ZNF292: variants seen among roughly 807,000 people sequenced by gnomAD.
ZNF292 encodes 16 zinc-finger domain protein.
Under a neutral mutation model 217.9 loss-of-function variants are expected in ZNF292, and 26 were observed. That is an observed-to-expected ratio of 0.12 (90% CI 0.09 to 0.17). The LOEUF (loss-of-function observed/expected upper bound fraction) is 0.17. Among genes scored for constraint, ZNF292 ranks in the 10% least tolerant of loss-of-function variants. The probability of loss-of-function intolerance (pLI) is 1.00; values close to 1 mark genes in which losing one functional copy is unlikely to be tolerated. For missense variants in ZNF292, 2,904 were observed against 3,175.2 expected (o/e 0.91, Z 2.05); for synonymous variants, 1,257 against 1,124.1 (o/e 1.12, Z -2.37).
At chr6:87,160,373 G>C (rs1392813840) in intron 1 of ZNF292, among the ~76,000 whole-genome samples, 1 of 152,174 alleles carries the variant, frequency 6.6e-6, no homozygotes, top group African/African-American at 2.4e-5. Context: ...CCGACTGGTT[G>C]ATTGTAACTG....
chr6:87,209,165 T>C (rs1023877992), intron 1 of ZNF292, among the ~76,000 whole-genome samples: 1 of 151,162 alleles, frequency 6.6e-6, no homozygotes, highest in African/African-American at 2.4e-5. Context: ...CTTTGGTGAT[T>C]ATGCAGAGTT....
chr6:87,163,495 A>AT (rs1279100189), intron 1 of ZNF292, among the ~76,000 whole-genome samples: 1 of 152,062 alleles, frequency 6.6e-6, no homozygotes, highest in Non-Finnish European at 1.5e-5. Flanking sequence ...TTAGTTACAT[A>AT]TATCTTTTGA....
chr6:87,155,992 C>T (rs921553388), intron 1 of ZNF292, among the ~76,000 whole-genome samples: 16 of 152,250 alleles, frequency 1.1e-4, no homozygotes, highest in African/African-American at 3.9e-4. Flanking sequence ...GGAAAATCCC[C>T]CCTCCCCTTT....
In ZNF292 at chr6:87,245,559, T is replaced by C; in HGVS notation, c.935T>C (p.Val312Ala). 2 of 1,567,174 alleles carry C rather than the reference T, an allele frequency of 1.3e-6. No homozygotes were observed. The highest frequency in any genetic ancestry group is 1.7e-6 in the Non-Finnish European group (2 of 1,154,988). The part of the protein sequence containing the change: ...LQQRVEPSIQ[V>A]YLERCRQLSL... ...CAAAGAGTAGAACCATCTATACAAG[T>C]GTACCTTGAGAGGTGTCGTCAACTT... The change falls in exon 7 of 8, where the codon GTG becomes GCG. Residue 312 changes from valine to alanine, a missense_variant. Physicochemically the swap from Val to Ala is moderately conservative, Grantham distance 64 (BLOSUM62 0). Around this residue, in one of 15 missense-constraint regions of ZNF292, gnomAD observed 313 missense variants for 451.0 expected, o/e 0.69. Transcript: ENST00000369577.
intron 1 of ZNF292, among the ~76,000 whole-genome samples, chr6:87,214,172 A>G (rs1232774696): frequency 6.6e-6 from 1 of 152,160 alleles, no homozygotes; most frequent in Admixed American, 6.5e-5. Context: ...TCTTGGATAT[A>G]ATGTAGGCAG....
chr6:87,166,947 C>T (rs1187606716), intron 1 of ZNF292, among the ~76,000 whole-genome samples: 1 of 151,950 alleles, frequency 6.6e-6, no homozygotes, highest in Non-Finnish European at 1.5e-5. Flanking sequence ...TTTGATTTGC[C>T]CAAGGTCCCA....
At chr6:87,184,227 A>G (rs1771564692) in intron 1 of ZNF292, among the ~76,000 whole-genome samples, 2 of 152,260 alleles carry the variant, frequency 1.3e-5, no homozygotes, top group South Asian at 4.1e-4. Flanking sequence ...GAAGTAATAC[A>G]TGATTGAATA....
In ZNF292 at chr6:87,259,847, C is replaced by G. The variant is rs771953400; in HGVS notation, c.6218C>G (p.Thr2073Arg). ...TSEQCNTNAL[T>R]NTQTKGRKIR... The stretch of plus-strand genomic sequence containing the variant: ...GAACAATGTAATACAAATGCACTCA[C>G]AAACACACAAACCAAAGGACGGAAG... Residue 2073 changes from threonine (T) to arginine (R), a missense_variant, in exon 8 of 8, where the codon ACA (threonine) becomes AGA (arginine). By Grantham distance (71) the Thr-to-Arg change is moderately conservative (BLOSUM62 -1). Around this residue, in one of 15 missense-constraint regions of ZNF292, gnomAD observed 261 missense variants for 272.8 expected, o/e 0.96. Coordinates refer to ENST00000369577, the MANE Select transcript of ZNF292 (RefSeq NM_015021.3). 1.9e-6 allele frequency: 3 copies of G among 1,613,072 alleles called. No homozygotes were observed. Among genetic ancestry groups the G allele is most frequent in the East Asian group, 4.5e-5 (2 of 44,848 alleles).
At position 87,160,491 on chromosome 6, in the gene ZNF292, ATG is replaced by A. The variant is rs1260142601; in HGVS notation, c.168+4754_168+4755del. Among the ~76,000 whole-genome samples, 224 of 146,386 alleles carry A rather than the reference ATG, an allele frequency of 1.5e-3. 2 individuals are homozygous for A. The highest frequency in any genetic ancestry group is 0.014 in the Middle Eastern group (4 of 286). On this transcript the variant is annotated intron_variant, in intron 1 of 7. Transcript: ENST00000369577. Reference sequence around the variant, plus strand: ...CATACGTACATGTGTTTGTATATATATGTGTGTGTGTGTGTGTGTGTGTATAT... The same window carrying A: ...CATACGTACATGTGTTTGTATATATATGTGTGTGTGTGTGTGTGTGTATAT...
In ZNF292 at chr6:87,259,839, T is replaced by C. The variant is rs1466648093; in HGVS notation, c.6210T>C (p.Asn2070=). The change falls in exon 8 of 8, where the codon AAT becomes AAC. Residue 2070 remains asparagine (N), a synonymous_variant. Transcript: ENST00000369577. The stretch of plus-strand genomic sequence containing the variant: ...TTACTTCAGAACAATGTAATACAAA[T>C]GCACTCACAAACACACAAACCAAAG... The part of the protein sequence containing the change: ...ITVTSEQCNT[N]ALTNTQTKGR... 1 of 1,612,606 alleles carries C rather than the reference T, an allele frequency of 6.2e-7. No homozygotes were observed. The highest frequency in any genetic ancestry group is 1.3e-5 in the African/African-American group (1 of 74,768).
At chr6:87,166,367 A>C (rs190425118) in intron 1 of ZNF292, among the ~76,000 whole-genome samples, 1 of 152,208 alleles carries the variant, frequency 6.6e-6, no homozygotes, top group East Asian at 1.9e-4. Context: ...GAGCTCCCCC[A>C]CAATCTGGGA....
chr6:87,163,391 C>T (rs539300591), intron 1 of ZNF292, among the ~76,000 whole-genome samples: 78 of 151,816 alleles, frequency 5.1e-4, no homozygotes, highest in Admixed American at 1.1e-3. Context: ...GCAGAACTTG[C>T]AGTGAGCCAC....
rs559582309 is a variant in ZNF292, at chr6:87,164,451, A to G, written c.168+8692A>G. Among the ~76,000 whole-genome samples the G allele has an allele frequency of 5.3e-5, 8 of 152,302 alleles. No homozygotes were observed. The East Asian group carries it at 1.5e-3, about 29-fold the overall frequency. On this transcript the variant is annotated intron_variant, in intron 1 of 7. Coordinates refer to ENST00000369577, the MANE Select transcript of ZNF292 (RefSeq NM_015021.3). Reference sequence around the variant, plus strand: ...AACTCAGCCACCTTGTGGGAAGGGGATCACACATACTATGGGTACAGGGAG... The same window carrying G: ...AACTCAGCCACCTTGTGGGAAGGGGGTCACACATACTATGGGTACAGGGAG...
chr6:87,183,489 A>G (rs1771533555), intron 1 of ZNF292, among the ~76,000 whole-genome samples: 1 of 152,194 alleles, frequency 6.6e-6, no homozygotes, highest in South Asian at 2.1e-4. Flanking sequence ...CCATAATCCC[A>G]AATGTTGAAA....
At chr6:87,236,407 A>ATTT (rs1562162753) in intron 5 of ZNF292, among the ~76,000 whole-genome samples, 163 of 132,034 alleles carry the variant, frequency 1.2e-3, no homozygotes, top group African/African-American at 4.0e-3. Context: ...TTTTTTTTTA[A>ATTT]AAAAGAAAAG....
intron 1 of ZNF292, among the ~76,000 whole-genome samples, chr6:87,164,380 C>T (rs1327965075): frequency 6.6e-6 from 1 of 152,100 alleles, no homozygotes; most frequent in Non-Finnish European, 1.5e-5. Flanking sequence ...CTCCTGGTGT[C>T]ATATTTATAA....
intron 1 of ZNF292, among the ~76,000 whole-genome samples, chr6:87,195,379 G>GA (rs1179983851): frequency 6.6e-6 from 1 of 152,170 alleles, no homozygotes; most frequent in Non-Finnish European, 1.5e-5. Context: ...AATTCAATGG[G>GA]AAAAGTTTAA....
At chr6:87,193,715 T>C (rs1471486895) in intron 1 of ZNF292, among the ~76,000 whole-genome samples, 1 of 152,198 alleles carries the variant, frequency 6.6e-6, no homozygotes, top group African/African-American at 2.4e-5. Context: ...CTTTGTTTCA[T>C]GCACAAAGTT....
rs747686306 is a variant in ZNF292 at position 87,260,891 on chromosome 6, G to A, written c.7262G>A (p.Arg2421Gln). 16 of 1,610,080 alleles carry A rather than the reference G, an allele frequency of 9.9e-6. No individual in the cohort carries two copies. Among genetic ancestry groups the A allele is most frequent in the East Asian group, 4.5e-5 (2 of 44,788 alleles). ...TCTAAGGCATTTACATCACAACACCGAAATCTTCTTATTGTATTCAAACGG... is the reference window on the plus strand; with the variant it reads ...TCTAAGGCATTTACATCACAACACCAAAATCTTCTTATTGTATTCAAACGG... Reference protein sequence around the residue: ...KLSKAFTSQHRNLLIVFKRCC... With the variant: ...KLSKAFTSQHQNLLIVFKRCC... The change falls in exon 8 of 8, where the codon CGA becomes CAA. Residue 2421 changes from arginine to glutamine, a missense_variant. Physicochemically the swap from Arg to Gln is conservative, Grantham distance 43. This residue lies in a region of ZNF292 where 380 missense variants were observed against 355.3 expected (regional missense o/e 1.07). Transcript: ENST00000369577.
Sources: allele counts gnomAD v4.1 joint callset (sites outside exome capture counted in the v4.1 genomes callset), GRCh38; gene constraint gnomAD v4.1.1; regional missense constraint gnomAD v4.1.1; transcripts MANE v1.5; gene names NCBI Gene and HGNC (gene_info 2026-07-23, HGNC 2026-07-21).